CNTN5: variants seen among roughly 807,000 people sequenced by gnomAD.
CNTN5 encodes the protein contactin 5, also known as contactin-5.
Under a neutral mutation model 129.1 loss-of-function variants are expected in CNTN5, and 77 were observed. The ratio of observed to expected loss-of-function variants is 0.60; its 90% confidence interval spans 0.50 to 0.72. The LOEUF is 0.72. Among genes scored for constraint, CNTN5 ranks in the 30% least tolerant of loss-of-function variants. The pLI, the probability that CNTN5 is intolerant of heterozygous loss-of-function variation, is 0.00. For missense variants in CNTN5, 1,478 were observed against 1,328.8 expected (o/e 1.11, Z -1.75); for synonymous variants, 509 against 465.6 (o/e 1.09, Z -1.20).
At chr11:99,691,198 C>A (rs1468626030) in intron 3 of CNTN5, among the ~76,000 whole-genome samples, 2 of 149,914 alleles carry the variant, frequency 1.3e-5, no homozygotes, top group African/African-American at 2.4e-5. Flanking sequence ...AAAAAAAAAA[C>A]CAGCACCTGG....
At chr11:99,587,644 T>C (rs1949841740) in intron 3 of CNTN5, among the ~76,000 whole-genome samples, 1 of 152,200 alleles carries the variant, frequency 6.6e-6, no homozygotes, top group South Asian at 2.1e-4. Context: ...GGAGTGAGGA[T>C]ATGTTATGAA....
chr11:100,248,246 A>G (rs1029064765), intron 16 of CNTN5, among the ~76,000 whole-genome samples: 4 of 152,166 alleles, frequency 2.6e-5, no homozygotes, highest in Non-Finnish European at 5.9e-5. Context: ...TAAAACTACT[A>G]TATAGCAGAA....
intron 2 of CNTN5, among the ~76,000 whole-genome samples, chr11:99,364,103 A>T (rs1411051956): frequency 6.6e-6 from 1 of 152,192 alleles, no homozygotes; most frequent in African/African-American, 2.4e-5. Context: ...AAGGAAACAA[A>T]ATAAGCTTTG....
At chr11:99,217,848 G>A (rs966330040) in intron 1 of CNTN5, among the ~76,000 whole-genome samples, 2 of 151,810 alleles carry the variant, frequency 1.3e-5, no homozygotes, top group Non-Finnish European at 2.9e-5. Context: ...TTTCTCAAAG[G>A]CATCAATCCC....
intron 13 of CNTN5, among the ~76,000 whole-genome samples, chr11:100,129,697 A>C (rs1480926189): frequency 6.6e-6 from 1 of 152,188 alleles, no homozygotes; most frequent in Non-Finnish European, 1.5e-5. Flanking sequence ...GCTAAAGTCC[A>C]AGATGTTGCA....
At chr11:99,222,380 C>A (rs12364411) in intron 1 of CNTN5, among the ~76,000 whole-genome samples, 1 of 151,572 alleles carries the variant, frequency 6.6e-6, no homozygotes, top group African/African-American at 2.4e-5. Flanking sequence ...AATGTATTAA[C>A]TCATGAATTA....
At chr11:99,840,071 C>G (rs1002166962) in intron 4 of CNTN5, among the ~76,000 whole-genome samples, 78 of 151,980 alleles carry the variant, frequency 5.1e-4, no homozygotes, top group African/African-American at 1.9e-3. Flanking sequence ...GTAAAGAATC[C>G]TGTGGGTGTC....
intron 3 of CNTN5, among the ~76,000 whole-genome samples, chr11:99,808,878 CTT>C (rs1946349005): frequency 1.3e-5 from 2 of 152,044 alleles, no homozygotes; most frequent in Admixed American, 1.3e-4. Context: ...TGCCTTGTGA[CTT>C]GAGCATCACA....
At chr11:99,687,291 G>A (rs771436602) in intron 3 of CNTN5, among the ~76,000 whole-genome samples, 4 of 151,890 alleles carry the variant, frequency 2.6e-5, no homozygotes. Flanking sequence ...ATATTAACAA[G>A]GTCAATATAA....
chr11:99,985,646 G>A lies in CNTN5; in HGVS notation c.878-16388G>A, dbSNP rs573049398. 3.3e-5 allele frequency among the ~76,000 whole-genome samples: 5 copies of A among 152,250 alleles called. No homozygotes were observed. In the South Asian group the frequency reaches 1.0e-3, roughly 32 times the overall value. On this transcript the variant is annotated intron_variant, in intron 8 of 24. Coordinates refer to ENST00000524871, the MANE Select transcript of CNTN5 (RefSeq NM_014361.4). ...CAGCTTGAAGGTGGAGTTTCACCAG[G>A]GACCTATCCCTGTCTGCCTCCTGCC...
In CNTN5 at chr11:100,202,862, C is replaced by T. The variant is rs544041595; in HGVS notation, c.1884+9199C>T. On this transcript the variant is annotated intron_variant, in intron 15 of 24. Coordinates refer to ENST00000524871, the MANE Select transcript of CNTN5 (RefSeq NM_014361.4). ...CACAGGCCCATTTACGCAACAGCCCCCATCATCACTTGGGCTTCCTTGAAC... is the reference window on the plus strand; with the variant it reads ...CACAGGCCCATTTACGCAACAGCCCTCATCATCACTTGGGCTTCCTTGAAC... Among the ~76,000 whole-genome samples the T allele has an allele frequency of 4.6e-5, 7 of 152,026 alleles. No individual in the cohort carries two copies. In the East Asian group the frequency reaches 1.4e-3, roughly 29 times the overall value.
intron 1 of CNTN5, among the ~76,000 whole-genome samples, chr11:99,059,447 A>T (rs924720800): frequency 1.3e-5 from 2 of 152,208 alleles, no homozygotes; most frequent in African/African-American, 2.4e-5. Flanking sequence ...CAGATTTTTA[A>T]AAGTTTCTCA....
chr11:99,255,837 C>T (rs569726694), intron 1 of CNTN5, among the ~76,000 whole-genome samples: 15 of 151,684 alleles, frequency 9.9e-5, no homozygotes, highest in East Asian at 5.8e-4. Flanking sequence ...CACATGCACA[C>T]GCACACACAC....
chr11:99,176,953 C>G (rs149636673), intron 1 of CNTN5, among the ~76,000 whole-genome samples: 1 of 152,206 alleles, frequency 6.6e-6, no homozygotes, highest in Admixed American at 6.5e-5. Context: ...TTTACCTTGA[C>G]CACATCTTAT....
intron 3 of CNTN5, among the ~76,000 whole-genome samples, chr11:99,565,982 T>A (rs1790268): frequency 5.3e-5 from 8 of 152,132 alleles, no homozygotes; most frequent in South Asian, 2.1e-4. Context: ...TAAGAGTAGC[T>A]TTATGAAGGC....
chr11:99,687,890 T>TCTC (rs2134757568), intron 3 of CNTN5, among the ~76,000 whole-genome samples: 1 of 152,276 alleles, frequency 6.6e-6, no homozygotes, highest in South Asian at 2.1e-4. Context: ...ATTCCCAGTC[T>TCTC]TTTTTTGCAT....
At chr11:99,544,870 T>C (rs546045253) in intron 2 of CNTN5, among the ~76,000 whole-genome samples, 1 of 152,282 alleles carries the variant, frequency 6.6e-6, no homozygotes, top group East Asian at 1.9e-4. Flanking sequence ...GGGGAAAAAA[T>C]CAATAATAGC....
chr11:100,087,759 T>C (rs962143945), intron 13 of CNTN5, among the ~76,000 whole-genome samples: 9 of 151,888 alleles, frequency 5.9e-5, no homozygotes, highest in Admixed American at 5.3e-4. Flanking sequence ...GGACTTAACT[T>C]GACCAACTGG....
chr11:99,446,695 T>C (rs1363886391), intron 2 of CNTN5, among the ~76,000 whole-genome samples: 1 of 152,240 alleles, frequency 6.6e-6, no homozygotes, highest in East Asian at 1.9e-4. Context: ...ATTTTGCCTG[T>C]AGTCTTCTTT....
Sources: gnomAD v4.1 joint callset for allele counts (sites outside exome capture counted in the v4.1 genomes callset) on GRCh38, gnomAD v4.1.1 for gene constraint, MANE v1.5 for transcripts, NCBI Gene and HGNC (gene_info 2026-07-23, HGNC 2026-07-21) for gene names.